VWA8: variants seen among roughly 807,000 people sequenced by gnomAD.
VWA8 encodes the protein von Willebrand factor A domain containing 8, also known as von Willebrand factor A domain-containing protein 8.
VWA8 carries 221 observed loss-of-function variants against 241.5 expected under a neutral mutation model. That is an observed-to-expected ratio of 0.91 (90% CI 0.82 to 1.02). The LOEUF (loss-of-function observed/expected upper bound fraction) is 1.02, where lower values mean the gene tolerates loss of function less well. VWA8 is among the 50% of genes least tolerant of loss of function. VWA8 has a pLI of 0.00. For synonymous variants in VWA8, 852 were observed against 827.1 expected (o/e 1.03, Z -0.52); for missense variants, 2,322 against 2,328.7 (o/e 1.00, Z 0.06).
At chr13:41,867,881 A>ATG (rs1209617983) in intron 10 of VWA8, among the ~76,000 whole-genome samples, 5 of 152,198 alleles carry the variant, frequency 3.3e-5, no homozygotes, top group African/African-American at 1.2e-4. Context: ...AGATATATAT[A>ATG]GAAGGAGCTG....
intron 21 of VWA8, among the ~76,000 whole-genome samples, chr13:41,737,009 G>A (rs1023955217): frequency 1.3e-5 from 2 of 151,894 alleles, no homozygotes; most frequent in Non-Finnish European, 2.9e-5. Flanking sequence ...ACACTTGGCT[G>A]ATTTTTGTAT....
At chr13:41,827,625 A>G (rs920139539) in intron 14 of VWA8, among the ~76,000 whole-genome samples, 1 of 152,208 alleles carries the variant, frequency 6.6e-6, no homozygotes, top group Non-Finnish European at 1.5e-5. Context: ...TTTAAAAAGT[A>G]AGTGAAGGAA....
At chr13:41,712,188 C>G (rs527698983) in intron 26 of VWA8, among the ~76,000 whole-genome samples, 1 of 152,094 alleles carries the variant, frequency 6.6e-6, no homozygotes, top group East Asian at 1.9e-4. Context: ...TGATAGCAGA[C>G]TAGAGTGACT....
chr13:41,889,802 T>TA (rs1235359734), intron 5 of VWA8, among the ~76,000 whole-genome samples: 2 of 151,926 alleles, frequency 1.3e-5, no homozygotes, highest in South Asian at 4.2e-4. Flanking sequence ...CTCCTATACT[T>TA]AAAAAAAATG....
At chr13:41,828,805 G>T (rs1179307928) in intron 14 of VWA8, among the ~76,000 whole-genome samples, 1 of 151,418 alleles carries the variant, frequency 6.6e-6, no homozygotes, top group Non-Finnish European at 1.5e-5. Context: ...AAGGAAATTA[G>T]TAATTCAATA....
At chr13:41,644,257 C>T (rs2044816070) in intron 37 of VWA8, among the ~76,000 whole-genome samples, 1 of 151,384 alleles carries the variant, frequency 6.6e-6, no homozygotes, top group Non-Finnish European at 1.5e-5. Flanking sequence ...GAGACCTAGG[C>T]ATCTTGTACC....
At chr13:41,611,027 A>C (rs2139660407) in intron 39 of VWA8, among the ~76,000 whole-genome samples, 1 of 152,116 alleles carries the variant, frequency 6.6e-6, no homozygotes, top group Admixed American at 6.5e-5. Flanking sequence ...TTCCATAGAC[A>C]CTATGCTCAT....
At chr13:41,796,516 T>TTAC (rs5803104) in intron 17 of VWA8, among the ~76,000 whole-genome samples, 31,309 of 151,996 alleles carry the variant, frequency 0.21, 3,176 homozygotes, top group African/African-American at 0.23. Context: ...CTTTCCAAAA[T>TTAC]TAAATTACTT....
At chr13:41,942,062 C>T (rs1035603979) in intron 2 of VWA8, among the ~76,000 whole-genome samples, 4 of 152,048 alleles carry the variant, frequency 2.6e-5, no homozygotes, top group African/African-American at 9.7e-5. Context: ...GGAAAAGTGC[C>T]CTTTTCCCCC....
rs1876286939 is a variant in VWA8, at chr13:41,916,918, T to C, written c.242-4750A>G. Among the ~76,000 whole-genome samples, 6 of 152,328 alleles carry C rather than the reference T, an allele frequency of 3.9e-5. No individual in the cohort carries two copies. The South Asian group carries it at 1.2e-3, about 32-fold the overall frequency. The stretch of plus-strand genomic sequence containing the variant: ...AACTTCAATGTTTTCAGGCACAAAA[T>C]GCTACCTTCCAGGAGTCCACATAAT... On this transcript the variant is annotated intron_variant, in intron 2 of 44. Transcript: ENST00000379310.
rs188779207 is a variant in VWA8 at position 41,720,884 on chromosome 13, T to C, written c.2964+486A>G. 6.4e-3 allele frequency among the ~76,000 whole-genome samples: 970 copies of C among 152,320 alleles called. 4 individuals carry two copies. Among genetic ancestry groups the C allele is most frequent in the Non-Finnish European group, 0.011 (745 of 68,022 alleles). On this transcript the variant is annotated intron_variant, in intron 25 of 44. Transcript: ENST00000379310. ...ACTAAGGTGGAGTACACATTGTACA[T>C]GGTCGCAGGAAATTTCATTCTCCTG...
chr13:41,827,963 C>G (rs1871250973), intron 14 of VWA8, among the ~76,000 whole-genome samples: 1 of 152,196 alleles, frequency 6.6e-6, no homozygotes, highest in South Asian at 2.1e-4. Context: ...TGCTTTGATT[C>G]ATCCTTCTGA....
At chr13:41,867,390 C>T (rs1004115419) in intron 10 of VWA8, among the ~76,000 whole-genome samples, 1 of 152,138 alleles carries the variant, frequency 6.6e-6, no homozygotes, top group Non-Finnish European at 1.5e-5. Flanking sequence ...GCTAGATGAA[C>T]CATTCATCTG....
At chr13:41,783,423 A>G (rs1868984976) in intron 19 of VWA8, among the ~76,000 whole-genome samples, 1 of 151,872 alleles carries the variant, frequency 6.6e-6, no homozygotes, top group African/African-American at 2.4e-5. Flanking sequence ...GTGGATCACG[A>G]GGTCAGGAGT....
intron 9 of VWA8, among the ~76,000 whole-genome samples, chr13:41,879,399 A>ACG (rs1385487865): frequency 1.3e-5 from 2 of 151,082 alleles, no homozygotes; most frequent in African/African-American, 4.9e-5. Flanking sequence ...ACACACACAC[A>ACG]CACACACACA....
intron 21 of VWA8, among the ~76,000 whole-genome samples, chr13:41,749,763 C>A (rs1225157130): frequency 6.6e-6 from 1 of 151,774 alleles, no homozygotes; most frequent in African/African-American, 2.4e-5. Context: ...GGACAAAAAA[C>A]CAAACACCCC....
Position 41,686,964 on chromosome 13 carries a change from T to C in VWA8, c.4132-1722A>G, listed in dbSNP as rs980429263. 2.6e-5 allele frequency among the ~76,000 whole-genome samples: 4 copies of C among 152,166 alleles called. No homozygotes were observed. The South Asian group carries it at 6.2e-4, about 24-fold the overall frequency. ...CACTAGTGGTTACCTCTCCCCACCA[T>C]AGATGTCCTTACCTTGCTTGGGCTC... On this transcript the variant is annotated intron_variant, in intron 34 of 44. Transcript: ENST00000379310.
chr13:41,887,385 G>A (rs1874599515), intron 5 of VWA8, 24 bp from the exon 6 acceptor site: 1 of 1,598,978 alleles, frequency 6.3e-7, no homozygotes, highest in Non-Finnish European at 8.5e-7. Context: ...AGATCCGGAA[G>A]CTATAGCATA....
intron 12 of VWA8, among the ~76,000 whole-genome samples, chr13:41,851,414 T>C (rs1485871959): frequency 6.6e-6 from 1 of 152,240 alleles, no homozygotes; most frequent in East Asian, 1.9e-4. Context: ...GACAGTGATA[T>C]GGTTTGGCTA....
Sources: allele counts gnomAD v4.1 joint callset (sites outside exome capture counted in the v4.1 genomes callset), GRCh38; gene constraint gnomAD v4.1.1; transcripts MANE v1.5; gene names NCBI Gene and HGNC (gene_info 2026-07-23, HGNC 2026-07-21).